The following PCDH9 variants were observed in gnomAD, a reference collection of about 807,000 sequenced individuals.
PCDH9 encodes the protein protocadherin 9, also known as protocadherin-9.
In PCDH9, 24 loss-of-function variants were observed where a neutral mutation model predicts 70.6. The ratio of observed to expected loss-of-function variants is 0.34; its 90% CI spans 0.25 to 0.48. The LOEUF is 0.48. Among genes scored for constraint, PCDH9 ranks in the 20% least tolerant of loss-of-function variants. The pLI, the probability that PCDH9 is intolerant of heterozygous loss-of-function variation, is 0.99. For missense variants in PCDH9, 1,281 were observed against 1,503.6 expected (o/e 0.85, Z 2.45); for synonymous variants, 562 against 558.5 (o/e 1.01, Z -0.09).
intron 4 of PCDH9, among the ~76,000 whole-genome samples, chr13:66,496,916 A>G (rs933236009): frequency 6.6e-6 from 1 of 152,194 alleles, no homozygotes; most frequent in Non-Finnish European, 1.5e-5. Flanking sequence ...CTTATATCCA[A>G]TGCATAACTG....
intron 2 of PCDH9, among the ~76,000 whole-genome samples, chr13:67,182,002 C>G (rs2088628843): frequency 6.6e-6 from 1 of 152,138 alleles, no homozygotes; most frequent in South Asian, 2.1e-4. Context: ...TGTGGTGGTT[C>G]CTCTCCTCCT....
chr13:66,444,693 T>C (rs1459347710), intron 4 of PCDH9, among the ~76,000 whole-genome samples: 1 of 152,106 alleles, frequency 6.6e-6, no homozygotes, highest in Non-Finnish European at 1.5e-5. Context: ...CCCGAGGAGC[T>C]GGGACTATAG....
intron 2 of PCDH9, among the ~76,000 whole-genome samples, chr13:67,028,588 A>G: frequency 6.6e-6 from 1 of 152,106 alleles, no homozygotes; most frequent in Non-Finnish European, 1.5e-5. Context: ...ATAAAAATAA[A>G]AAAATAAAGT....
At position 67,202,877 on chromosome 13, in the gene PCDH9, A is replaced by G; in HGVS notation, c.3036+22528T>C. 2 of 152,058 alleles carry G rather than the reference A, an allele frequency of 1.3e-5. 1 individual carries two copies. Among genetic ancestry groups the G allele is most frequent in the East Asian group, 3.9e-4 (2 of 5,194 alleles). The allele number at this position is 152,058 out of a possible 1,614,324, so 9.4% of individuals were successfully genotyped here. ...ATGTGTGTGTGCTGTGTGTATGTGA[A>G]TATGTGAGTGTCTTGGTATATTTCC... On this transcript the variant is annotated intron_variant, in intron 2 of 4. Transcript: ENST00000377865.
At chr13:66,659,370 A>C (rs2077974824) in intron 3 of PCDH9, among the ~76,000 whole-genome samples, 1 of 152,182 alleles carries the variant, frequency 6.6e-6, no homozygotes, top group Non-Finnish European at 1.5e-5. Context: ...GTAAAACACC[A>C]TTAGGTTTCA....
chr13:66,845,236 T>C (rs1320425530), intron 3 of PCDH9, among the ~76,000 whole-genome samples: 2 of 152,284 alleles, frequency 1.3e-5, no homozygotes, highest in East Asian at 1.9e-4. Flanking sequence ...TGTAGGCCAG[T>C]GCCAAGCTGC....
chr13:67,197,924 G>A (rs764949887), intron 2 of PCDH9, among the ~76,000 whole-genome samples: 2 of 151,488 alleles, frequency 1.3e-5, no homozygotes, highest in Non-Finnish European at 3.0e-5. Flanking sequence ...TATAAGACAT[G>A]AACTAATAAT....
intron 3 of PCDH9, among the ~76,000 whole-genome samples, chr13:66,757,361 T>A (rs2079553242): frequency 6.6e-6 from 1 of 152,224 alleles, no homozygotes; most frequent in South Asian, 2.1e-4. Context: ...CTTATTGTAT[T>A]CTTTAGGTGA....
intron 3 of PCDH9, among the ~76,000 whole-genome samples, chr13:66,649,499 C>T (rs1290722393): frequency 1.3e-5 from 2 of 151,944 alleles, no homozygotes; most frequent in East Asian, 3.9e-4. Context: ...TAAAGAGTTT[C>T]CCAGAAAAAC....
intron 2 of PCDH9, among the ~76,000 whole-genome samples, chr13:66,930,641 A>T (rs56200743): frequency 0.024 from 3,718 of 152,250 alleles, 62 homozygotes; most frequent in Non-Finnish European, 0.04. Context: ...ATGGTCATTA[A>T]TTCCTTTGGA....
intron 3 of PCDH9, among the ~76,000 whole-genome samples, chr13:66,666,677 T>C (rs1327987470): frequency 6.6e-6 from 1 of 152,184 alleles, no homozygotes; most frequent in Non-Finnish European, 1.5e-5. Context: ...TGTTCTACAA[T>C]ATGTCAGAAA....
At position 66,334,271 on chromosome 13, in the gene PCDH9, A is replaced by C. The variant is rs565133732; in HGVS notation, c.3341-29243T>G. Among the ~76,000 whole-genome samples, 18 of 152,168 alleles carry C rather than the reference A, an allele frequency of 1.2e-4. 1 individual carries two copies. Among genetic ancestry groups the C allele is most frequent in the African/African-American group, 4.1e-4 (17 of 41,528 alleles). ...ATACCAACCTTTTAATCTCCCGCAT[A>C]TGAGTGAGAACATGTGATATTTGGC... On this transcript the variant is annotated intron_variant, in intron 4 of 4. Coordinates refer to ENST00000377865, the MANE Select transcript of PCDH9 (RefSeq NM_203487.3).
intron 2 of PCDH9, among the ~76,000 whole-genome samples, chr13:66,962,812 C>T (rs998866968): frequency 2.6e-5 from 4 of 152,078 alleles, no homozygotes; most frequent in Non-Finnish European, 4.4e-5. Context: ...TAGAGAATTT[C>T]CCATGGATTG....
At chr13:66,995,289 G>A (rs1012357492) in intron 2 of PCDH9, among the ~76,000 whole-genome samples, 4 of 152,086 alleles carry the variant, frequency 2.6e-5, no homozygotes, top group African/African-American at 9.7e-5. Flanking sequence ...CATAAGACAC[G>A]GTAAATACAA....
At chr13:66,416,727 G>A (rs768995382) in intron 4 of PCDH9, among the ~76,000 whole-genome samples, 12 of 152,120 alleles carry the variant, frequency 7.9e-5, no homozygotes, top group Non-Finnish European at 1.2e-4. Context: ...GGGTTCACAC[G>A]TAGAATTTTA....
intron 2 of PCDH9, among the ~76,000 whole-genome samples, chr13:67,129,692 A>C (rs2087063458): frequency 6.6e-6 from 1 of 151,932 alleles, no homozygotes; most frequent in Admixed American, 6.6e-5. Context: ...TTATATATGT[A>C]TATTCTCTCT....
At chr13:66,439,722 G>T (rs1415422666) in intron 4 of PCDH9, among the ~76,000 whole-genome samples, 1 of 152,028 alleles carries the variant, frequency 6.6e-6, no homozygotes, top group African/African-American at 2.4e-5. Context: ...TTTATTTATG[G>T]TGTTAGGCTT....
chr13:67,164,136 T>C (rs2088041066), intron 2 of PCDH9, among the ~76,000 whole-genome samples: 1 of 152,220 alleles, frequency 6.6e-6, no homozygotes, highest in Admixed American at 6.5e-5. Context: ...CATCTTCAAG[T>C]TTTCTGTTGT....
intron 4 of PCDH9, among the ~76,000 whole-genome samples, chr13:66,549,415 AGT>A (rs1157644234): frequency 2.6e-5 from 4 of 152,122 alleles, no homozygotes; most frequent in Non-Finnish European, 5.9e-5. Flanking sequence ...ACACATCATC[AGT>A]GTCTTACATG....
Sources: allele counts gnomAD v4.1 joint callset (sites outside exome capture counted in the v4.1 genomes callset), GRCh38; gene constraint gnomAD v4.1.1; transcripts MANE v1.5; gene names NCBI Gene and HGNC (gene_info 2026-07-23, HGNC 2026-07-21).